The following LRRIQ3 variants were observed in gnomAD, a reference collection of about 807,000 sequenced individuals.
LRRIQ3 encodes the protein leucine-rich repeat and IQ domain-containing protein 3.
Under a neutral mutation model 59.3 loss-of-function variants are expected in LRRIQ3, and 75 were observed. The ratio of observed to expected loss-of-function variants is 1.26; its 90% CI spans 1.05 to 1.53. The LOEUF (loss-of-function observed/expected upper bound fraction) is 1.53. Among genes scored for constraint, LRRIQ3 ranks in the 40% most tolerant of loss-of-function variants. The pLI is 0.00. For synonymous variants in LRRIQ3, 250 were observed against 231.3 expected (o/e 1.08, Z -0.73); for missense variants, 831 against 710.0 (o/e 1.17, Z -1.94).
intron 5 of LRRIQ3, among the ~76,000 whole-genome samples, chr1:74,080,895 G>A (rs1646266938): frequency 6.6e-6 from 1 of 151,570 alleles, no homozygotes; most frequent in Non-Finnish European, 1.5e-5. Context: ...GTAAACTATA[G>A]AGTAGCACTT....
chr1:74,162,262 C>T (rs990587966), intron 3 of LRRIQ3, among the ~76,000 whole-genome samples: 4 of 151,732 alleles, frequency 2.6e-5, no homozygotes, highest in Non-Finnish European at 5.9e-5. Context: ...GAGACGTGTA[C>T]TAATTAATTT....
intron 3 of LRRIQ3, among the ~76,000 whole-genome samples, chr1:74,173,455 T>C (rs1649451124): frequency 6.6e-6 from 1 of 152,146 alleles, no homozygotes; most frequent in Admixed American, 6.5e-5. Flanking sequence ...AGTCTTTCTC[T>C]GTGGCTTGAT....
chr1:74,133,551 T>C (rs1410483636), intron 4 of LRRIQ3, among the ~76,000 whole-genome samples: 1 of 152,164 alleles, frequency 6.6e-6, no homozygotes, highest in Admixed American at 6.6e-5. Flanking sequence ...GATGAGTTCA[T>C]GTCCTTTGTA....
chr1:74,158,228 A>G (rs182964371), intron 3 of LRRIQ3, among the ~76,000 whole-genome samples: 115 of 152,160 alleles, frequency 7.6e-4, no homozygotes, highest in Admixed American at 2.6e-3. Flanking sequence ...CTGTTCCCCC[A>G]CTTTCTCCAA....
chr1:74,126,843 C>T lies in LRRIQ3; in HGVS notation c.708-17290G>A, dbSNP rs1646942632. ...TTCAGCAGCCACTGGATGAAATGCT[C>T]TGTAAATATCTATTAGGTCTATTTG... On this transcript the variant is annotated intron_variant, in intron 4 of 7. Transcript: ENST00000354431. 2.0e-5 allele frequency among the ~76,000 whole-genome samples: 3 copies of T among 152,062 alleles called. No individual in the cohort carries two copies. In the South Asian group the frequency reaches 6.2e-4, roughly 32 times the overall value.
At chr1:74,132,757 A>C (rs1479597558) in intron 4 of LRRIQ3, among the ~76,000 whole-genome samples, 1 of 152,182 alleles carries the variant, frequency 6.6e-6, no homozygotes, top group Non-Finnish European at 1.5e-5. Context: ...AAACCATAAA[A>C]ACCCTAGAAG....
intron 3 of LRRIQ3, among the ~76,000 whole-genome samples, chr1:74,159,598 T>C (rs979153646): frequency 6.6e-6 from 1 of 152,172 alleles, no homozygotes; most frequent in Non-Finnish European, 1.5e-5. Context: ...ACATTTGATT[T>C]AACTTAGATT....
chr1:74,174,653 G>A (rs897965997), intron 3 of LRRIQ3, among the ~76,000 whole-genome samples: 2 of 150,914 alleles, frequency 1.3e-5, no homozygotes, highest in Admixed American at 6.6e-5. Flanking sequence ...CTTGGCCTCT[G>A]AAAGTGCTGG....
chr1:74,098,625 T>A (rs1646484706), intron 5 of LRRIQ3, among the ~76,000 whole-genome samples: 1 of 152,090 alleles, frequency 6.6e-6, no homozygotes, highest in Admixed American at 6.6e-5. Flanking sequence ...CACATCTCAC[T>A]TATTCCAAAA....
intron 6 of LRRIQ3, among the ~76,000 whole-genome samples, chr1:74,045,460 T>G (rs1321608374): frequency 6.6e-6 from 1 of 152,160 alleles, no homozygotes; most frequent in Non-Finnish European, 1.5e-5. Context: ...GGAACGTATC[T>G]CAAAATAATA....
At chr1:74,075,504 T>A (rs1054781220) in intron 5 of LRRIQ3, among the ~76,000 whole-genome samples, 1 of 151,558 alleles carries the variant, frequency 6.6e-6, no homozygotes, top group Admixed American at 6.6e-5. Context: ...CAGGCGGACA[T>A]TGCAGTGAGC....
chr1:74,028,307 T>A (rs1321778815), intron 7 of LRRIQ3, among the ~76,000 whole-genome samples: 2 of 152,078 alleles, frequency 1.3e-5, no homozygotes, highest in African/African-American at 4.8e-5. Flanking sequence ...AGCTTATTGA[T>A]GATGTGATTT....
At chr1:74,077,647 T>C (rs1033707971) in intron 5 of LRRIQ3, among the ~76,000 whole-genome samples, 3 of 151,968 alleles carry the variant, frequency 2.0e-5, no homozygotes, top group Non-Finnish European at 2.9e-5. Context: ...TGCCACATTT[T>C]ATAAAAATAT....
At chr1:74,083,266 T>C (rs142466159) in intron 5 of LRRIQ3, 1 of 151,840 alleles carries the variant, frequency 6.6e-6, no homozygotes, top group East Asian at 1.9e-4. Flanking sequence ...ATAGCTTGCT[T>C]AATAACTTTA....
chr1:74,142,382 A>G (rs963481426), intron 4 of LRRIQ3, among the ~76,000 whole-genome samples: 3 of 152,018 alleles, frequency 2.0e-5, no homozygotes, highest in African/African-American at 7.2e-5. Context: ...CTTCAATTTT[A>G]GCATATTCTC....
intron 4 of LRRIQ3, among the ~76,000 whole-genome samples, chr1:74,153,518 T>C (rs1648114408): frequency 6.6e-6 from 1 of 152,192 alleles, no homozygotes; most frequent in South Asian, 2.1e-4. Context: ...AATCCAGATC[T>C]GATTTCAGCT....
Position 74,041,917 on chromosome 1 carries a change from A to C in LRRIQ3, c.1014T>G (p.Asp338Glu). ...TATCCAATTTTTCATCCACAATTTC[A>C]TCTTCAGACTCCTGACCTACATCAA... ...HLIQKGQESE[D>E]EIVDEKLDTS... The change falls in exon 7 of 8, where the codon GAT becomes GAG. Residue 338 changes from aspartate to glutamate, a missense_variant. Asp to Glu is a conservative substitution (Grantham distance 45). Transcript: ENST00000354431. 6.9e-6 allele frequency: 11 copies of C among 1,603,856 alleles called. No individual in the cohort carries two copies. Among genetic ancestry groups the C allele is most frequent in the Non-Finnish European group, 9.4e-6 (11 of 1,174,992 alleles).
intron 1 of LRRIQ3, among the ~76,000 whole-genome samples, chr1:74,197,240 T>G (rs1378158746): frequency 6.6e-6 from 1 of 152,230 alleles, no homozygotes; most frequent in East Asian, 1.9e-4. Flanking sequence ...GTGCCCTGAA[T>G]GTCTACGTAC....
Position 74,180,445 on chromosome 1 carries a change from A to G in LRRIQ3, c.573+2093T>C, listed in dbSNP as rs75716940. The G allele has an allele frequency of 3.2e-3, 1,065 of 334,698 alleles. 27 individuals are homozygous for G. In the East Asian group the frequency reaches 0.037, roughly 12 times the overall value. The allele number at this position is 334,698 out of a possible 1,614,324, so 20.7% of individuals were successfully genotyped here. Reference sequence around the variant, plus strand: ...TTCTGAATTTTTGTTTTTCATTTCCAATGTCTAGTTATTATTTCTTCTTTA... The same window carrying G: ...TTCTGAATTTTTGTTTTTCATTTCCGATGTCTAGTTATTATTTCTTCTTTA... On this transcript the variant is annotated intron_variant, in intron 3 of 7. Transcript: ENST00000354431.
Sources: gnomAD v4.1 joint callset for allele counts (sites outside exome capture counted in the v4.1 genomes callset) on GRCh38, gnomAD v4.1.1 for gene constraint, MANE v1.5 for transcripts, NCBI Gene and HGNC (gene_info 2026-07-23, HGNC 2026-07-21) for gene names.